ZFHX3: variants seen among roughly 807,000 people sequenced by gnomAD.
The protein encoded by ZFHX3 is zinc finger homeobox 3.
In ZFHX3, 42 loss-of-function variants were observed where a neutral mutation model predicts 279.1. The ratio of observed to expected loss-of-function variants is 0.15; its 90% CI spans 0.12 to 0.19. ZFHX3 has a LOEUF of 0.19. ZFHX3 is among the 10% of genes least tolerant of loss of function. The probability of loss-of-function intolerance (pLI) is 1.00; values close to 1 mark genes in which losing one functional copy is unlikely to be tolerated. For synonymous variants in ZFHX3, 2,293 were observed against 1,957.8 expected (o/e 1.17, Z -4.52); for missense variants, 4,981 against 4,754.0 (o/e 1.05, Z -1.40).
Position 72,796,261 on chromosome 16 carries a change from G to A in ZFHX3, c.6421C>T (p.Leu2141Phe), listed in dbSNP as rs768647695. 1.1e-5 allele frequency: 17 copies of A among 1,614,006 alleles called. No individual in the cohort carries two copies. The South Asian group carries it at 1.2e-4, about 11-fold the overall frequency. ...CGAGGCCTCTTGTTCTGCTGCTGGA[G>A]CAGGGTTGGATTGAGCTGATGCTGG... is the stretch of plus-strand genomic sequence containing the variant. ...LYQHQLNPTLLQQQNKRPRTR... is the reference protein window; with the variant it reads ...LYQHQLNPTLFQQQNKRPRTR... The change falls in exon 9 of 10, where the codon CTC becomes TTC. Residue 2141 changes from leucine (L) to phenylalanine (F), a missense_variant. Around this residue, in one of 7 missense-constraint regions of ZFHX3, gnomAD observed 1,751 missense variants for 1,770.0 expected, o/e 0.99. Coordinates refer to ENST00000268489, the MANE Select transcript of ZFHX3 (RefSeq NM_006885.4).
chr16:73,855,343 T>C (rs745821366), intron 1 of ZFHX3, among the ~76,000 whole-genome samples: 7 of 151,118 alleles, frequency 4.6e-5, no homozygotes, highest in Non-Finnish European at 1.0e-4. Context: ...AGATCCACGA[T>C]TTACTCTCCC....
At chr16:73,092,110 A>C (rs1389235665) in intron 8 of ZFHX3, among the ~76,000 whole-genome samples, 1 of 152,214 alleles carries the variant, frequency 6.6e-6, no homozygotes, top group Non-Finnish European at 1.5e-5. Flanking sequence ...ACTAATGCCC[A>C]GCTAAAAAGG....
chr16:72,983,914 C>T (rs1028584800), intron 1 of ZFHX3, among the ~76,000 whole-genome samples: 5 of 152,144 alleles, frequency 3.3e-5, no homozygotes, highest in African/African-American at 4.8e-5. Flanking sequence ...CATATCTTGC[C>T]ATTACCCCCC....
chr16:73,215,012 G>C (rs563465992), intron 5 of ZFHX3, among the ~76,000 whole-genome samples: 4 of 152,194 alleles, frequency 2.6e-5, no homozygotes, highest in African/African-American at 9.6e-5. Context: ...AATGCTTTCT[G>C]TAGAGGGGGC....
chr16:73,803,511 T>A (rs1303403254), intron 1 of ZFHX3, among the ~76,000 whole-genome samples: 1 of 152,236 alleles, frequency 6.6e-6, no homozygotes, highest in African/African-American at 2.4e-5. Context: ...TTTGACATGA[T>A]AATCACATTT....
At chr16:73,654,500 G>C (rs2052702911) in intron 2 of ZFHX3, among the ~76,000 whole-genome samples, 1 of 152,022 alleles carries the variant, frequency 6.6e-6, no homozygotes, top group Non-Finnish European at 1.5e-5. Context: ...AACCCCTAAT[G>C]ATGACATACA....
chr16:73,349,460 G>C (rs1421461515), intron 3 of ZFHX3, among the ~76,000 whole-genome samples: 2 of 108,878 alleles, frequency 1.8e-5, no homozygotes, highest in Non-Finnish European at 4.3e-5. Flanking sequence ...GTGAATAAAA[G>C]GTGATTGTAA....
Position 72,959,907 on chromosome 16 carries a change from G to A in ZFHX3, c.239C>T (p.Thr80Ile), listed in dbSNP as rs747851366. The A allele has an allele frequency of 5.6e-6, 9 of 1,603,898 alleles. No homozygotes were observed. In the East Asian group the frequency reaches 1.8e-4, roughly 32 times the overall value. Residue 80 changes from threonine (T) to isoleucine (I), a missense_variant, in exon 2 of 10, where the codon ACC becomes ATC. This residue lies in a region of ZFHX3 where 1,068 missense variants were observed against 935.2 expected (regional missense o/e 1.14). Coordinates refer to ENST00000268489, the MANE Select transcript of ZFHX3 (RefSeq NM_006885.4). ...AAAGGAGGCCGAACATTCGTTGCAG[G>A]TGACCTCCTTGCTGGCGGGCTCGGA... Reference protein sequence around the residue: ...PPSEPASKEVTCNECSASFAS... With the variant: ...PPSEPASKEVICNECSASFAS...
intron 1 of ZFHX3, among the ~76,000 whole-genome samples, chr16:73,682,952 A>C (rs1352888624): frequency 5.5e-5 from 1 of 18,170 alleles, no homozygotes; most frequent in Non-Finnish European, 1.1e-4. Flanking sequence ...GAAAGAAAGA[A>C]AGAAAGAAAG....
At chr16:73,475,683 C>G (rs889061078) in intron 2 of ZFHX3, among the ~76,000 whole-genome samples, 5 of 152,006 alleles carry the variant, frequency 3.3e-5, no homozygotes, top group Non-Finnish European at 5.9e-5. Flanking sequence ...AATAACATTT[C>G]TAATTGAGAA....
chr16:73,273,970 C>G (rs2014225471), intron 4 of ZFHX3, among the ~76,000 whole-genome samples: 1 of 152,066 alleles, frequency 6.6e-6, no homozygotes, highest in African/African-American at 2.4e-5. Context: ...TGGTAAAACC[C>G]CATCTCTACT....
At chr16:73,040,300 G>C (rs553906704) in intron 1 of ZFHX3, among the ~76,000 whole-genome samples, 129 of 152,200 alleles carry the variant, frequency 8.5e-4, no homozygotes, top group Non-Finnish European at 1.7e-3. Flanking sequence ...CAGGAAGAGC[G>C]TGGTGCTGAA....
At chr16:73,872,644 C>G (rs1226199068) in intron 1 of ZFHX3, among the ~76,000 whole-genome samples, 1 of 148,742 alleles carries the variant, frequency 6.7e-6, no homozygotes, top group Non-Finnish European at 1.5e-5. Flanking sequence ...TTAATTCACA[C>G]CTTTCATGGT....
intron 7 of ZFHX3, among the ~76,000 whole-genome samples, chr16:73,104,113 G>T (rs1966264810): frequency 6.6e-6 from 1 of 151,814 alleles, no homozygotes; most frequent in African/African-American, 2.4e-5. Context: ...GACTGTTATG[G>T]GAGGTCTCCA....
chr16:73,608,805 T>C (rs1048749479), intron 2 of ZFHX3: 3 of 152,176 alleles, frequency 2.0e-5, no homozygotes, highest in African/African-American at 4.8e-5. Context: ...ATTTAATAAG[T>C]ATTCAAAGGT....
At chr16:73,633,194 A>G (rs1244366841) in intron 2 of ZFHX3, among the ~76,000 whole-genome samples, 5 of 152,258 alleles carry the variant, frequency 3.3e-5, no homozygotes, top group Admixed American at 1.3e-4. Context: ...CTAAATGGCT[A>G]AAGGTTGATC....
At position 73,881,492 on chromosome 16, in the gene ZFHX3, C is replaced by CCA. The variant is rs1461249715; in HGVS notation, c.-1608+10158_-1608+10159insTG. Among the ~76,000 whole-genome samples, 307 of 93,682 alleles carry CCA rather than the reference C, an allele frequency of 3.3e-3. 26 individuals carry two copies. The highest frequency in any genetic ancestry group is 0.012 in the South Asian group (30 of 2,464). The allele number at this position is 93,682 out of a possible 152,430, so 61.5% of individuals were successfully genotyped here. The stretch of plus-strand genomic sequence containing the variant: ...TCTCTCTCTCTCTGCCCCCCCCCCC[C>CCA]ACTCTGCCCATGGTTACTGCTACTC... On this transcript the variant is annotated intron_variant, in intron 1 of 17. Coordinates refer to the ZFHX3 transcript ENST00000641206.
At chr16:73,053,479 T>G (rs1288862895) in intron 1 of ZFHX3, among the ~76,000 whole-genome samples, 1 of 150,070 alleles carries the variant, frequency 6.7e-6, no homozygotes. Context: ...GGTTTTTCGG[T>G]GGGTGGGGGC....
At chr16:73,555,838 A>T (rs2020273469) in intron 2 of ZFHX3, among the ~76,000 whole-genome samples, 1 of 152,036 alleles carries the variant, frequency 6.6e-6, no homozygotes. Flanking sequence ...ATCTCAAAAA[A>T]AAAAAAAGAA....
Sources: gnomAD v4.1 joint callset for allele counts (sites outside exome capture counted in the v4.1 genomes callset) on GRCh38, gnomAD v4.1.1 for gene constraint, gnomAD v4.1.1 regional missense constraint, MANE v1.5 for transcripts, NCBI Gene and HGNC (gene_info 2026-07-23, HGNC 2026-07-21) for gene names.